Variants in SLC39A12 observed in about 807,000 individuals in gnomAD.
The protein encoded by SLC39A12 is zinc transporter ZIP12.
A neutral mutation model predicts 71.1 loss-of-function variants in SLC39A12; 63 were observed. The observed-to-expected ratio is 0.89, with a 90% confidence interval of 0.72 to 1.09. The LOEUF (loss-of-function observed/expected upper bound fraction) is 1.09, where lower values mean the gene tolerates loss of function less well. SLC39A12 is among the 50% of genes least tolerant of loss of function. The pLI, the probability that SLC39A12 is intolerant of heterozygous loss-of-function variation, is 0.00. For synonymous variants in SLC39A12, 351 were observed against 301.3 expected, an observed-to-expected ratio of 1.16 and a Z score of -1.71; for missense variants, 892 against 812.6, an observed-to-expected ratio of 1.10 and a Z score of -1.19.
At chr10:18,025,680 G>T (rs1448574524) in intron 12 of SLC39A12, among the ~76,000 whole-genome samples, 1 of 152,168 alleles carries the variant, frequency 6.6e-6, no homozygotes, top group Non-Finnish European at 1.5e-5. Flanking sequence ...TGTGAATAGT[G>T]TTGCAGTAAA....
At chr10:17,997,490 G>A (rs1299536807) in intron 10 of SLC39A12, among the ~76,000 whole-genome samples, 2 of 152,088 alleles carry the variant, frequency 1.3e-5, no homozygotes, top group Non-Finnish European at 2.9e-5. Flanking sequence ...GTCTGCAATA[G>A]ACTTTTTTTT....
Position 18,041,730 on chromosome 10 carries a change from T to TATATATATGTATATGTGC in SLC39A12, c.1948-969_1948-968insATGTATATGTGCATATAT, listed in dbSNP as rs1564668368. Among the ~76,000 whole-genome samples, 98 of 123,688 alleles carry TATATATATGTATATGTGC rather than the reference T, an allele frequency of 7.9e-4. 10 individuals carry two copies. Among genetic ancestry groups the TATATATATGTATATGTGC allele is most frequent in the African/African-American group, 2.9e-3 (93 of 31,648 alleles). The allele number at this position is 123,688 out of a possible 152,430, so 81.1% of individuals were successfully genotyped here. ...ATGTATATACATATGTATATATGTG[T>TATATATATGTATATGTGC]ATATATGTATATACATGTATATATG... On this transcript the variant is annotated intron_variant, in intron 12 of 12. Coordinates refer to ENST00000377369, the MANE Select transcript of SLC39A12 (RefSeq NM_001145195.2).
At chr10:18,018,310 A>G (rs762465837) in intron 12 of SLC39A12, among the ~76,000 whole-genome samples, 5 of 152,152 alleles carry the variant, frequency 3.3e-5, no homozygotes, top group Non-Finnish European at 5.9e-5. Flanking sequence ...CTTTACAGTT[A>G]TCATGTCATC....
chr10:18,033,964 A>T (rs1260009911), intron 12 of SLC39A12, among the ~76,000 whole-genome samples: 1 of 148,936 alleles, frequency 6.7e-6, no homozygotes, highest in Admixed American at 6.7e-5. Context: ...AGTGGCTTTG[A>T]GTGAGATTCT....
intron 12 of SLC39A12, among the ~76,000 whole-genome samples, chr10:18,024,963 C>G (rs971197133): frequency 6.6e-6 from 1 of 151,980 alleles, no homozygotes; most frequent in African/African-American, 2.4e-5. Flanking sequence ...TACTTACAAT[C>G]TATATTTTCT....
intron 12 of SLC39A12, among the ~76,000 whole-genome samples, chr10:18,030,868 A>G (rs1452559987): frequency 4.3e-5 from 6 of 139,804 alleles, no homozygotes; most frequent in Admixed American, 1.5e-4. Context: ...TCATTGTTCA[A>G]TTCCCACCTA....
chr10:17,989,333 T>C (rs192559684), intron 7 of SLC39A12, among the ~76,000 whole-genome samples: 1 of 152,374 alleles, frequency 6.6e-6, no homozygotes, highest in African/African-American at 2.4e-5. Context: ...AAAACCATTA[T>C]GAGTTTTAAT....
chr10:17,968,657 A>G (rs1159779110), intron 4 of SLC39A12, among the ~76,000 whole-genome samples: 1 of 151,498 alleles, frequency 6.6e-6, no homozygotes, highest in African/African-American at 2.4e-5. Context: ...TCTTTTTTCA[A>G]ATTTTTGTGG....
chr10:17,990,077 A>C (rs906552318), intron 7 of SLC39A12, among the ~76,000 whole-genome samples: 9 of 151,900 alleles, frequency 5.9e-5, no homozygotes, highest in African/African-American at 1.9e-4. Context: ...TAGTCAGCTA[A>C]ATTTGTTCAA....
chr10:17,982,983 G>T (rs1455621984), intron 6 of SLC39A12, among the ~76,000 whole-genome samples: 1 of 151,604 alleles, frequency 6.6e-6, no homozygotes, highest in Non-Finnish European at 1.5e-5. Flanking sequence ...GAGGTCAGGA[G>T]ATCAAGACCA....
At chr10:17,993,710 A>G (rs1200055552) in intron 9 of SLC39A12, among the ~76,000 whole-genome samples, 1 of 152,222 alleles carries the variant, frequency 6.6e-6, no homozygotes, top group Admixed American at 6.5e-5. Context: ...TTCATAATGC[A>G]GGAGATAACT....
At chr10:17,953,961 G>A (rs1834474466) in intron 2 of SLC39A12, among the ~76,000 whole-genome samples, 1 of 152,138 alleles carries the variant, frequency 6.6e-6, no homozygotes, top group African/African-American at 2.4e-5. Context: ...CTTTTTCCTG[G>A]CATGGTATTT....
intron 12 of SLC39A12, chr10:18,010,488 ATTATTTCTTAACAAAAGC>A (rs1836181887): frequency 1.3e-5 from 2 of 152,202 alleles, no homozygotes; most frequent in Non-Finnish European, 2.9e-5. Context: ...AACATTCACA[ATTATTTCTTAACAAAAGC>A]AAGAAGGGTG....
At chr10:18,010,097 T>G (rs925541068) in intron 12 of SLC39A12, among the ~76,000 whole-genome samples, 2 of 152,216 alleles carry the variant, frequency 1.3e-5, no homozygotes, top group African/African-American at 4.8e-5. Flanking sequence ...CCATTTTTCT[T>G]TCTTTTTCTT....
At chr10:18,015,872 T>A (rs1249011118) in intron 12 of SLC39A12, among the ~76,000 whole-genome samples, 1 of 152,134 alleles carries the variant, frequency 6.6e-6, no homozygotes, top group Non-Finnish European at 1.5e-5. Context: ...AAAATGGATT[T>A]TTTTTTGGTT....
chr10:17,965,617 C>G lies in SLC39A12; in HGVS notation c.678C>G (p.Asn226Lys), dbSNP rs745639096. The G allele has an allele frequency of 3.1e-6, 5 of 1,614,034 alleles. No homozygotes were observed. Among genetic ancestry groups the G allele is most frequent in the East Asian group, 4.5e-5 (2 of 44,892 alleles). ...AGGGTGTTTGTCTGGGACAAGGAAA[C>G]TTGCCTTCCCCAGACTACTTTACAG... Reference protein sequence around the residue: ...SLQGVCLGQGNLPSPDYFTEY... With the variant: ...SLQGVCLGQGKLPSPDYFTEY... Residue 226 changes from asparagine (N) to lysine (K), a missense_variant, in exon 4 of 13, where the codon AAC becomes AAG. Physicochemically the swap from Asn to Lys is moderately conservative, Grantham distance 94. Coordinates refer to ENST00000377369, the MANE Select transcript of SLC39A12 (RefSeq NM_001145195.2).
At chr10:17,996,842 C>A (rs1419787176) in intron 10 of SLC39A12, among the ~76,000 whole-genome samples, 1 of 151,768 alleles carries the variant, frequency 6.6e-6, no homozygotes, top group African/African-American at 2.4e-5. Context: ...CTAAAAAATA[C>A]AAAAAATTAG....
Position 17,953,268 on chromosome 10 carries a change from A to C in SLC39A12, c.-9A>C, listed in dbSNP as rs1554847327. On this transcript the variant is annotated 5_prime_UTR_variant, in exon 2 of 13. Coordinates refer to ENST00000377369, the MANE Select transcript of SLC39A12 (RefSeq NM_001145195.2). ...TCCAAGACAGACTCAAGGTGGAGGA[A>C]GCGTGGAAATGTGCTTCCGGACAAA... 6.2e-7 allele frequency: 1 copy of C among 1,613,052 alleles called. No individual in the cohort carries two copies. The highest frequency in any genetic ancestry group is 1.1e-5 in the South Asian group (1 of 90,954).
chr10:17,987,353 T>G (rs1325453165), intron 6 of SLC39A12, 126 bp from the exon 7 acceptor site: 3 of 789,798 alleles, frequency 3.8e-6, no homozygotes, highest in Non-Finnish European at 6.1e-6. Context: ...AACAAAACAC[T>G]TATTTAAAAA....
Sources: allele counts gnomAD v4.1 joint callset (sites outside exome capture counted in the v4.1 genomes callset), GRCh38; gene constraint gnomAD v4.1.1; transcripts MANE v1.5; gene names NCBI Gene and HGNC (gene_info 2026-07-23, HGNC 2026-07-21).